Variants in TM4SF4 observed in about 807,000 individuals in gnomAD.
TM4SF4 encodes transmembrane 4 L6 family member 4.
TM4SF4 carries 24 observed loss-of-function variants against 24.1 expected under a neutral mutation model. The ratio of observed to expected loss-of-function variants is 1.00; its 90% CI spans 0.72 to 1.40. The LOEUF is 1.40. Ranked by LOEUF, TM4SF4 falls within the 40% of genes most tolerant of loss-of-function variation. The pLI is 0.00. For missense variants in TM4SF4, 254 were observed against 254.2 expected, an observed-to-expected ratio of 1.00 and a Z score of 0.01; for synonymous variants, 113 against 97.0, an observed-to-expected ratio of 1.17 and a Z score of -0.97.
At chr3:149,497,036 AT>A (rs1382157227) in intron 3 of TM4SF4, among the ~76,000 whole-genome samples, 1 of 152,196 alleles carries the variant, frequency 6.6e-6, no homozygotes, top group East Asian at 1.9e-4. Flanking sequence ...AAAGAAACTG[AT>A]GTTAAAGGAA....
chr3:149,490,558 T>A (rs1734191877), intron 3 of TM4SF4, among the ~76,000 whole-genome samples: 2 of 152,222 alleles, frequency 1.3e-5, no homozygotes, highest in South Asian at 4.1e-4. Context: ...GTTTTCTCAC[T>A]CCAAGTCACA....
chr3:149,498,221 C>T (rs1440867079), intron 3 of TM4SF4, among the ~76,000 whole-genome samples: 1 of 152,140 alleles, frequency 6.6e-6, no homozygotes, highest in Non-Finnish European at 1.5e-5. Flanking sequence ...TTCAGATGGC[C>T]ACTACACTTG....
intron 2 of TM4SF4, among the ~76,000 whole-genome samples, chr3:149,478,485 A>T (rs528328454): frequency 3.9e-5 from 6 of 152,294 alleles, no homozygotes; most frequent in Non-Finnish European, 7.4e-5. Flanking sequence ...ATTAAAAAAA[A>T]TTTTGAGTCA....
chr3:149,487,511 T>A (rs1436182282), intron 2 of TM4SF4, 108 bp from the exon 3 acceptor site: 30 of 1,385,380 alleles, frequency 2.2e-5, no homozygotes, highest in Non-Finnish European at 2.7e-5. Flanking sequence ...TAGCTCCTAC[T>A]CCATAACTTC....
rs372322328 is a variant in TM4SF4, at chr3:149,475,056, G to C, written c.174+5G>C. 5.3e-5 allele frequency: 81 copies of C among 1,542,032 alleles called. No individual in the cohort carries two copies. The highest frequency in any genetic ancestry group is 6.7e-5 in the Non-Finnish European group (76 of 1,134,042). On this transcript the variant is annotated splice_donor_5th_base_variant and intron_variant, in intron 1 of 4. Coordinates refer to ENST00000305354, the MANE Select transcript of TM4SF4 (RefSeq NM_004617.4). The stretch of plus-strand genomic sequence containing the variant: ...ATATTAGGAAGCGGTGTCTTGGTGA[G>C]TAGGGAAGCTTAAAATCCCCCTAAG...
intron 3 of TM4SF4, chr3:149,494,587 A>C (rs1734278058): frequency 1.3e-5 from 2 of 152,162 alleles, no homozygotes; most frequent in African/African-American, 4.8e-5. Context: ...GTTGGAAAAA[A>C]AAAGGCATTT....
chr3:149,481,335 C>CT (rs1734029703), intron 2 of TM4SF4, among the ~76,000 whole-genome samples: 1 of 152,010 alleles, frequency 6.6e-6, no homozygotes, highest in South Asian at 2.1e-4. Flanking sequence ...TCAATAAGTA[C>CT]TTGCTGGATG....
chr3:149,488,454 A>G (rs114378879), intron 3 of TM4SF4, among the ~76,000 whole-genome samples: 4,823 of 152,282 alleles, frequency 0.032, 87 homozygotes, highest in Middle Eastern at 0.065. Context: ...CAAACTCAGG[A>G]CTTCTGACTT....
At chr3:149,495,299 A>T (rs775469518) in intron 3 of TM4SF4, 2 of 245,208 alleles carry the variant, frequency 8.2e-6, no homozygotes, top group Non-Finnish European at 1.7e-5. Flanking sequence ...ACCCATGAAG[A>T]TGGCAATGCC....
intron 2 of TM4SF4, among the ~76,000 whole-genome samples, chr3:149,485,385 T>C (rs1734098005): frequency 6.6e-6 from 1 of 152,222 alleles, no homozygotes; most frequent in Non-Finnish European, 1.5e-5. Context: ...AAGTCATGAA[T>C]GTTCTGGATG....
At chr3:149,482,447 C>T (rs1324923040) in intron 2 of TM4SF4, among the ~76,000 whole-genome samples, 1 of 152,220 alleles carries the variant, frequency 6.6e-6, no homozygotes, top group Non-Finnish European at 1.5e-5. Context: ...ATTACTGTCT[C>T]CTTCCAGAGA....
intron 2 of TM4SF4, among the ~76,000 whole-genome samples, chr3:149,482,632 C>T (rs1041356709): frequency 3.3e-5 from 5 of 152,204 alleles, no homozygotes; most frequent in African/African-American, 9.7e-5. Context: ...CAACCTCTGC[C>T]TCCTGGGCTC....
intron 3 of TM4SF4, among the ~76,000 whole-genome samples, chr3:149,488,218 A>G (rs1734152969): frequency 6.6e-6 from 1 of 152,256 alleles, no homozygotes; most frequent in African/African-American, 2.4e-5. Context: ...TGTACAGAAA[A>G]TGACATTGAA....
intron 4 of TM4SF4, among the ~76,000 whole-genome samples, chr3:149,501,001 A>G (rs1734409865): frequency 7.2e-6 from 1 of 139,328 alleles, no homozygotes; most frequent in East Asian, 2.0e-4. Flanking sequence ...TGCACCCTGG[A>G]TAACAGAACA....
chr3:149,477,004 T>C (rs1340851892), intron 2 of TM4SF4, among the ~76,000 whole-genome samples: 1 of 151,886 alleles, frequency 6.6e-6, no homozygotes, highest in Non-Finnish European at 1.5e-5. Context: ...TTGGGCATGT[T>C]TCCTAGGCTG....
At chr3:149,493,851 A>G (rs1734261173) in intron 3 of TM4SF4, among the ~76,000 whole-genome samples, 1 of 152,186 alleles carries the variant, frequency 6.6e-6, no homozygotes, top group Admixed American at 6.5e-5. Flanking sequence ...AGCATTGTGG[A>G]GCTTCTCCCA....
At chr3:149,483,951 T>C (rs1475198413) in intron 2 of TM4SF4, among the ~76,000 whole-genome samples, 1 of 152,116 alleles carries the variant, frequency 6.6e-6, no homozygotes, top group African/African-American at 2.4e-5. Context: ...TGGCTAATTT[T>C]TGTAGCTTTT....
chr3:149,490,003 G>T (rs1734184130), intron 3 of TM4SF4, among the ~76,000 whole-genome samples: 1 of 151,576 alleles, frequency 6.6e-6, no homozygotes, highest in South Asian at 2.1e-4. Context: ...ACTGTACAGG[G>T]ATGTATTACA....
intron 2 of TM4SF4, among the ~76,000 whole-genome samples, chr3:149,484,269 A>T (rs1203295257): frequency 6.6e-6 from 1 of 152,192 alleles, no homozygotes; most frequent in East Asian, 1.9e-4. Context: ...CACAAATATC[A>T]ATTCTCATAA....
Sources: allele counts gnomAD v4.1 joint callset (sites outside exome capture counted in the v4.1 genomes callset), GRCh38; gene constraint gnomAD v4.1.1; transcripts MANE v1.5; gene names NCBI Gene and HGNC (gene_info 2026-07-23, HGNC 2026-07-21).